The following THOP1 variants were observed in gnomAD, a reference collection of about 807,000 sequenced individuals.
The protein encoded by THOP1 is thimet oligopeptidase.
In THOP1, 49 loss-of-function variants were observed where a neutral mutation model predicts 71.8. That is an observed-to-expected ratio of 0.68 (90% CI 0.54 to 0.87). THOP1 has a LOEUF of 0.87. Ranked by LOEUF, THOP1 falls within the 40% of genes least tolerant of loss-of-function variation. THOP1 has a pLI of 0.00. For missense variants in THOP1, 843 were observed against 975.6 expected (o/e 0.86, Z 1.81); for synonymous variants, 426 against 421.5 (o/e 1.01, Z -0.13).
Position 2,790,616 on chromosome 19 carries a change from T to G in THOP1, c.212T>G (p.Val71Gly). 6.4e-7 allele frequency: 1 copy of G among 1,571,896 alleles called. No individual in the cohort carries two copies. The highest frequency in any genetic ancestry group is 2.3e-5 in the East Asian group (1 of 44,340). ...AGCACGCTCAAGGCGCTGGCCGATG[T>G]GGAGGTCACCTACACAGGTAAGTCC... The part of the protein sequence containing the change: ...YESTLKALAD[V>G]EVTYTVQRNI... The change falls in exon 2 of 13, where the codon GTG becomes GGG. Residue 71 changes from valine to glycine, a missense_variant. Transcript: ENST00000307741.
intron 9 of THOP1, 28 bp from the exon 10 acceptor site, chr19:2,810,276 A>G (rs761269637): frequency 4.9e-5 from 79 of 1,603,892 alleles, no homozygotes; most frequent in Middle Eastern, 4.0e-4. Context: ...GGACCTGGGC[A>G]CTCTGAGGCT....
intron 11 of THOP1, among the ~76,000 whole-genome samples, chr19:2,811,370 C>T (rs994830846): frequency 1.1e-4 from 16 of 152,208 alleles, no homozygotes; most frequent in African/African-American, 3.4e-4. Context: ...CTGACAGCCC[C>T]GTTAAATGAG....
Position 2,790,648 on chromosome 19 carries a change from G to C in THOP1, c.229+15G>C. On this transcript the variant is annotated intron_variant, in intron 2 of 12. Coordinates refer to ENST00000307741, the MANE Select transcript of THOP1 (RefSeq NM_003249.5). ...CACCTACACAGGTAAGTCCCAGGCAGGGTCTGTGCGTGGGCCGCAGGTGCC... is the reference window on the plus strand; with the variant it reads ...CACCTACACAGGTAAGTCCCAGGCACGGTCTGTGCGTGGGCCGCAGGTGCC... 3.9e-6 allele frequency: 6 copies of C among 1,522,098 alleles called. No homozygotes were observed. The highest frequency in any genetic ancestry group is 5.3e-6 in the Non-Finnish European group (6 of 1,134,730). 94.3% of individuals were successfully genotyped at this position (1,522,098 alleles called of 1,614,324 possible).
chr19:2,796,091 A>C lies in THOP1; in HGVS notation c.389A>C (p.Gln130Pro), dbSNP rs774040351. Residue 130 changes from glutamine (Q) to proline (P), a missense_variant, in exon 4 of 13, where the codon CAG becomes CCG. Physicochemically the swap from Gln to Pro is moderately conservative, Grantham distance 76. Transcript: ENST00000307741. ...QRIVWLQEKVQKDSLRPEAAR... is the reference protein window; with the variant it reads ...QRIVWLQEKVPKDSLRPEAAR... The stretch of plus-strand genomic sequence containing the variant: ...ATGTTTTTATTCCAGGAGAAAGTTC[A>C]GAAGGACTCACTGAGGCCCGAGGCT... 6.2e-7 allele frequency: 1 copy of C among 1,613,574 alleles called. No individual in the cohort carries two copies. The highest frequency in any genetic ancestry group is 1.3e-5 in the African/African-American group (1 of 74,924).
chr19:2,803,551 G>A (rs760540930), intron 5 of THOP1, among the ~76,000 whole-genome samples: 34 of 152,326 alleles, frequency 2.2e-4, no homozygotes, highest in Non-Finnish European at 4.1e-4. Flanking sequence ...CCCCCCAGCT[G>A]TCTCCCTTGC....
rs1736180 is a variant in THOP1, at chr19:2,796,023, G to C, written c.379-58G>C. On this transcript the variant is annotated intron_variant, in intron 3 of 12. Transcript: ENST00000307741. ...CAGGTTTTTAAGAAACTGCCAAACT[G>C]CTCTTTGGAGCGGCTGCACTGGCCC... 3.6e-6 allele frequency: 5 copies of C among 1,403,536 alleles called. No individual in the cohort carries two copies. In the South Asian group the frequency reaches 5.9e-5, roughly 16 times the overall value. 86.9% of individuals were successfully genotyped at this position (1,403,536 alleles called of 1,614,324 possible).
At position 2,805,103 on chromosome 19, in the gene THOP1, C is replaced by T. The variant is rs202049788; in HGVS notation, c.677C>T (p.Pro226Leu). The T allele has an allele frequency of 1.3e-4, 208 of 1,612,778 alleles. 1 individual carries two copies. Among genetic ancestry groups the T allele is most frequent in the Admixed American group, 3.2e-4 (19 of 59,960 alleles). Reference sequence around the variant, plus strand: ...ACCCTCAAGTACCCCCATTACTTCCCCCTCCTGAAGAAATGCCACGTGCCT... The same window carrying T: ...ACCCTCAAGTACCCCCATTACTTCCTCCTCCTGAAGAAATGCCACGTGCCT... ...KVTLKYPHYF[P>L]LLKKCHVPET... is the part of the protein sequence containing the mutation. The change falls in exon 6 of 13, where the codon CCC (proline) becomes CTC (leucine). Residue 226 changes from proline to leucine, a missense_variant. Pro to Leu is a moderately conservative substitution (Grantham distance 98). Coordinates refer to ENST00000307741, the MANE Select transcript of THOP1 (RefSeq NM_003249.5). The surrounding 1 kb of genome is among the most constrained non-coding windows in gnomAD (Gnocchi z 6.6).
rs1235940181 is a variant in THOP1 at position 2,810,378 on chromosome 19, C to T, written c.1530C>T (p.Asn510=). 5 of 1,611,468 alleles carry T rather than the reference C, an allele frequency of 3.1e-6. No homozygotes were observed. Among genetic ancestry groups the T allele is most frequent in the Non-Finnish European group, 4.2e-6 (5 of 1,179,746 alleles). Residue 510 remains asparagine, a synonymous_variant, in exon 10 of 13, where the codon AAC becomes AAT. Coordinates refer to ENST00000307741, the MANE Select transcript of THOP1 (RefSeq NM_003249.5). ...FVEAPSQMLE[N]WVWEQEPLLR... ...AGGCGCCGTCGCAGATGCTGGAGAA[C>T]TGGGTGTGGGAGCAGGAGCCGCTGC...
chr19:2,815,412 G>C lies in THOP1; in HGVS notation c.*2136G>C, dbSNP rs765730714. On this transcript the variant is annotated 3_prime_UTR_variant, in exon 13 of 13. Coordinates refer to ENST00000307741, the MANE Select transcript of THOP1 (RefSeq NM_003249.5). ...TGCCGGATACCCCAGGCAGCCCCCC[G>C]CGGTGCTTCGCAAGTTGGGCCGCCT... 1 of 152,600 alleles carries C rather than the reference G, an allele frequency of 6.6e-6. No homozygotes were observed. Among genetic ancestry groups the C allele is most frequent in the East Asian group, 1.9e-4 (1 of 5,190 alleles). 9.5% of individuals were successfully genotyped at this position (152,600 alleles called of 1,614,324 possible). A position where few individuals can be genotyped will look rare whatever the true frequency, so the allele number is the denominator to read the frequency against.
At chr19:2,808,062 G>A (rs949365333) in intron 8 of THOP1, 181 bp from the exon 9 acceptor site, 13 of 812,426 alleles carry the variant, frequency 1.6e-5, no homozygotes, top group Admixed American at 6.0e-5. Flanking sequence ...GATGGCAGCC[G>A]GGGCCTGGCC....
chr19:2,795,635 C>T lies in THOP1; in HGVS notation c.379-446C>T, dbSNP rs554986386. ...CTCACAACGTTGCCCACGCTTGTCT[C>T]GAACTCCTGGGCCCACGCAATCCTC... On this transcript the variant is annotated intron_variant, in intron 3 of 12. Coordinates refer to ENST00000307741, the MANE Select transcript of THOP1 (RefSeq NM_003249.5). Among the ~76,000 whole-genome samples, 7 of 152,322 alleles carry T rather than the reference C, an allele frequency of 4.6e-5. 1 individual carries two copies. In the South Asian group the frequency reaches 1.2e-3, roughly 27 times the overall value.
chr19:2,810,116 C>A, intron 9 of THOP1, 188 bp from the exon 10 acceptor site: 1 of 694,468 alleles, frequency 1.4e-6, no homozygotes, highest in Non-Finnish European at 2.3e-6. Context: ...CTGCTGCCAC[C>A]GGCAGCCAGC....
rs1916264161 is a variant in THOP1, at chr19:2,805,307, T to C, written c.750+131T>C. The C allele has an allele frequency of 2.6e-6, 3 of 1,161,814 alleles. No individual in the cohort carries two copies. 72.0% of individuals were successfully genotyped at this position (1,161,814 alleles called of 1,614,324 possible). On this transcript the variant is annotated intron_variant, in intron 6 of 12. Transcript: ENST00000307741. The surrounding 1 kb of genome is among the most constrained non-coding windows in gnomAD (Gnocchi z 6.6). Reference sequence around the variant, plus strand: ...TCCCAATCTCCCTGGCCAGGCCCAGTGGCCAGCAGAGGCCTCCCTGTGGGG... The same window carrying C: ...TCCCAATCTCCCTGGCCAGGCCCAGCGGCCAGCAGAGGCCTCCCTGTGGGG...
In THOP1 at chr19:2,807,657, G is replaced by A. The variant is rs527473166; in HGVS notation, c.1102G>A (p.Gly368Arg). The A allele has an allele frequency of 1.6e-5, 26 of 1,608,252 alleles. 1 individual carries two copies. In the Admixed American group the frequency reaches 2.3e-4, roughly 14 times the overall value. The change falls in exon 8 of 13, where the codon GGG (glycine) becomes AGG (arginine). Residue 368 changes from glycine (G) to arginine (R), a missense_variant. By Grantham distance (125) the Gly-to-Arg change is moderately radical. Transcript: ENST00000307741. ...CTTCCCCGTGCAGGTGGTCACGCAC[G>A]GGCTGCTGGGCATCTACCAGGAGCT... Reference protein sequence around the residue: ...EYFPVQVVTHGLLGIYQELLG... With the variant: ...EYFPVQVVTHRLLGIYQELLG...
rs1023889113 is a variant in THOP1 at position 2,807,362 on chromosome 19, G to A, written c.887-80G>A. The A allele has an allele frequency of 5.4e-6, 8 of 1,476,120 alleles. No homozygotes were observed. The African/African-American group carries it at 1.1e-4, about 21-fold the overall frequency. 91.4% of individuals were successfully genotyped at this position (1,476,120 alleles called of 1,614,324 possible). A position where few individuals can be genotyped will look rare whatever the true frequency, so the allele number is the denominator to read the frequency against. ...CCTTCCAAATGGGGAGCCTGACGAAGTCGCGGCCGCGGGCGGGCGAGCCCA... is the reference window on the plus strand; with the variant it reads ...CCTTCCAAATGGGGAGCCTGACGAAATCGCGGCCGCGGGCGGGCGAGCCCA... On this transcript the variant is annotated intron_variant, in intron 7 of 12. Coordinates refer to ENST00000307741, the MANE Select transcript of THOP1 (RefSeq NM_003249.5).
chr19:2,808,567 A>T, intron 9 of THOP1, 123 bp downstream of exon 9: 1 of 1,111,898 alleles, frequency 9.0e-7, no homozygotes, highest in Admixed American at 2.9e-5. Flanking sequence ...TGGCTCCTTC[A>T]TCCAATGCCA....
chr19:2,807,653 G>A lies in THOP1; in HGVS notation c.1098G>A (p.Thr366=), dbSNP rs1022377947. Reference sequence around the variant, plus strand: ...AGTACTTCCCCGTGCAGGTGGTCACGCACGGGCTGCTGGGCATCTACCAGG... The same window carrying A: ...AGTACTTCCCCGTGCAGGTGGTCACACACGGGCTGCTGGGCATCTACCAGG... ...LKEYFPVQVV[T]HGLLGIYQEL... The change falls in exon 8 of 13, where the codon ACG becomes ACA. Residue 366 remains threonine, a synonymous_variant. Transcript: ENST00000307741. 12 of 1,608,984 alleles carry A rather than the reference G, an allele frequency of 7.5e-6. No individual in the cohort carries two copies. Among genetic ancestry groups the A allele is most frequent in the Admixed American group, 3.3e-5 (2 of 59,822 alleles).
At chr19:2,812,142 G>A in intron 12 of THOP1, 1 of 1,454,928 alleles carries the variant, frequency 6.9e-7, no homozygotes, top group Non-Finnish European at 9.1e-7. Context: ...GGCTGAGACA[G>A]ACCCTTCTCT....
intron 5 of THOP1, among the ~76,000 whole-genome samples, chr19:2,802,285 A>C (rs1289557162): frequency 2.9e-4 from 14 of 47,996 alleles, no homozygotes; most frequent in South Asian, 2.8e-3. Flanking sequence ...CGACACCCCC[A>C]CCTCCCAATA....
Sources: gnomAD v4.1 joint callset for allele counts (sites outside exome capture counted in the v4.1 genomes callset) on GRCh38, gnomAD v4.1.1 for gene constraint, Gnocchi (gnomAD v3.1) non-coding constraint, MANE v1.5 for transcripts, NCBI Gene and HGNC (gene_info 2026-07-23, HGNC 2026-07-21) for gene names.